The following ATP2B2 variants were observed in gnomAD, a reference collection of about 807,000 sequenced individuals.
ATP2B2 encodes plasma membrane calcium-transporting ATPase 2.
A neutral mutation model predicts 120.0 loss-of-function variants in ATP2B2; 15 were observed. That is an observed-to-expected ratio of 0.12 (90% CI 0.08 to 0.19). The LOEUF is 0.19. Ranked by LOEUF, ATP2B2 falls within the 10% of genes least tolerant of loss-of-function variation. The pLI is 1.00. For missense variants in ATP2B2, 1,045 were observed against 1,719.8 expected (o/e 0.61, Z 6.94); for synonymous variants, 694 against 700.3 (o/e 0.99, Z 0.14).
chr3:10,673,044 C>T (rs973987124), intron 1 of ATP2B2, among the ~76,000 whole-genome samples: 3 of 152,144 alleles, frequency 2.0e-5, no homozygotes, highest in Admixed American at 6.5e-5. Flanking sequence ...CCTTGCAGAG[C>T]CTCAGTTTCC....
intron 1 of ATP2B2, among the ~76,000 whole-genome samples, chr3:10,505,055 C>G (rs1268812449): frequency 6.6e-6 from 1 of 152,166 alleles, no homozygotes; most frequent in Non-Finnish European, 1.5e-5. Context: ...TCCCTGGGAC[C>G]GGCTCAGAGA....
intron 1 of ATP2B2, among the ~76,000 whole-genome samples, chr3:10,470,398 C>A (rs971119128): frequency 2.6e-5 from 4 of 152,106 alleles, no homozygotes; most frequent in Non-Finnish European, 5.9e-5. Context: ...CAGATCTGAA[C>A]CCAGGCCAGT....
chr3:10,365,508 C>A (rs940682006), intron 12 of ATP2B2, among the ~76,000 whole-genome samples: 1 of 152,090 alleles, frequency 6.6e-6, no homozygotes, highest in Non-Finnish European at 1.5e-5. Context: ...GTGTCCGGGA[C>A]GACAGAAGCC....
At chr3:10,563,514 T>C (rs1348473110) in intron 2 of ATP2B2, among the ~76,000 whole-genome samples, 2 of 152,244 alleles carry the variant, frequency 1.3e-5, no homozygotes, top group Non-Finnish European at 2.9e-5. Context: ...GGTTGACGTG[T>C]AAGGTCTGAG....
chr3:10,625,131 A>G (rs1029162307), intron 1 of ATP2B2, among the ~76,000 whole-genome samples: 16 of 152,254 alleles, frequency 1.1e-4, no homozygotes, highest in African/African-American at 3.9e-4. Flanking sequence ...CTCAGAGGTG[A>G]GGACGTGGTA....
intron 1 of ATP2B2, among the ~76,000 whole-genome samples, chr3:10,704,217 T>C (rs1373552651): frequency 6.6e-6 from 1 of 152,206 alleles, no homozygotes; most frequent in African/African-American, 2.4e-5. Flanking sequence ...AAAACCTATA[T>C]TTTAAAATGA....
intron 2 of ATP2B2, among the ~76,000 whole-genome samples, chr3:10,536,763 A>C (rs757710196): frequency 6.6e-6 from 1 of 152,152 alleles, no homozygotes; most frequent in African/African-American, 2.4e-5. Flanking sequence ...CCTGGGCTGA[A>C]GCAATCCTCA....
chr3:10,594,094 T>A (rs575122048), intron 2 of ATP2B2, among the ~76,000 whole-genome samples: 1 of 152,130 alleles, frequency 6.6e-6, no homozygotes, highest in East Asian at 1.9e-4. Flanking sequence ...TGTGGAGAAA[T>A]AGGAACACTT....
intron 2 of ATP2B2, among the ~76,000 whole-genome samples, chr3:10,557,355 A>AT (rs1489631074): frequency 6.6e-6 from 1 of 152,234 alleles, no homozygotes; most frequent in Non-Finnish European, 1.5e-5. Context: ...GCTTTGCCAG[A>AT]TGGGCTTGGG....
chr3:10,625,812 G>A (rs1016818488), intron 1 of ATP2B2, among the ~76,000 whole-genome samples: 7 of 152,184 alleles, frequency 4.6e-5, no homozygotes, highest in African/African-American at 9.7e-5. Flanking sequence ...TTTAGTGCGC[G>A]TATTGTATGT....
chr3:10,486,222 G>T (rs1287731261), intron 1 of ATP2B2, among the ~76,000 whole-genome samples: 3 of 152,162 alleles, frequency 2.0e-5, no homozygotes, highest in East Asian at 1.9e-4. Flanking sequence ...CAGTTTCTCT[G>T]TCTGTAGAAT....
chr3:10,359,838 A>T, intron 13 of ATP2B2, 44 bp downstream of exon 13: 2 of 1,613,138 alleles, frequency 1.2e-6, no homozygotes, highest in Non-Finnish European at 1.7e-6. Context: ...AGCTCCCTGC[A>T]CCAGGGCACA....
rs9826066 is a variant in ATP2B2, at chr3:10,449,546, T to C, written c.-3A>G. On this transcript the variant is annotated 5_prime_UTR_variant, in exon 2 of 23. Transcript: ENST00000360273. ...TCGCTGTTGGTCATGTCACCCATGTTTGCTGCGGTCCTTGCTCGGGCTGGG... is the reference window on the plus strand; with the variant it reads ...TCGCTGTTGGTCATGTCACCCATGTCTGCTGCGGTCCTTGCTCGGGCTGGG... The C allele has an allele frequency of 0.011, 18,438 of 1,614,214 alleles. 1,493 individuals carry two copies. The African/African-American group carries it at 0.19, about 17-fold the overall frequency.
intron 3 of ATP2B2, among the ~76,000 whole-genome samples, chr3:10,532,905 CAA>C (rs986902755): frequency 6.6e-6 from 1 of 152,154 alleles, no homozygotes; most frequent in Non-Finnish European, 1.5e-5. Context: ...ATGCTGGCTG[CAA>C]AGTTTCTTCT....
chr3:10,577,051 CAAAAAAAAAA>C (rs71055823), intron 2 of ATP2B2, among the ~76,000 whole-genome samples: 1 of 109,392 alleles, frequency 9.1e-6, no homozygotes, highest in African/African-American at 3.6e-5. Flanking sequence ...GACTCTGTGT[CAAAAAAAAAA>C]AAAAAAAAAA....
intron 1 of ATP2B2, among the ~76,000 whole-genome samples, chr3:10,461,721 C>A (rs1009137045): frequency 7.9e-5 from 12 of 152,166 alleles, no homozygotes; most frequent in Non-Finnish European, 1.3e-4. Flanking sequence ...TCCTCCATCT[C>A]TAGGCTTCCT....
rs182572671 is a variant in ATP2B2, at chr3:10,346,558, G to A, written c.2405-421C>T. ...CCACTAGCCAGCACTTTCTCCCTGG[G>A]GAGTCCAGGCTTGCTGAGGAGGCCT... On this transcript the variant is annotated intron_variant, in intron 16 of 22. Transcript: ENST00000360273. This position sits in a 1 kb window ranked among gnomAD's most constrained non-coding sequence, Gnocchi z 4.1. Among the ~76,000 whole-genome samples the A allele has an allele frequency of 5.3e-5, 8 of 152,340 alleles. No homozygotes were observed. Among genetic ancestry groups the A allele is most frequent in the Admixed American group, 2.6e-4 (4 of 15,310 alleles).
intron 1 of ATP2B2, among the ~76,000 whole-genome samples, chr3:10,487,918 C>T (rs2065756459): frequency 6.6e-6 from 1 of 152,158 alleles, no homozygotes; most frequent in African/African-American, 2.4e-5. Context: ...TCTCTCTCTG[C>T]CTCACTATCT....
At chr3:10,501,120 G>C (rs1043044397) in intron 1 of ATP2B2, among the ~76,000 whole-genome samples, 1 of 152,144 alleles carries the variant, frequency 6.6e-6, no homozygotes, top group African/African-American at 2.4e-5. Flanking sequence ...TGTGGCCCCT[G>C]CTCGGGCCTG....
Sources: gnomAD v4.1 joint callset for allele counts (sites outside exome capture counted in the v4.1 genomes callset) on GRCh38, gnomAD v4.1.1 for gene constraint, Gnocchi (gnomAD v3.1) non-coding constraint, MANE v1.5 for transcripts, NCBI Gene and HGNC (gene_info 2026-07-23, HGNC 2026-07-21) for gene names.